The following KIAA1328 variants were observed in gnomAD, a reference collection of about 807,000 sequenced individuals.
KIAA1328 encodes the protein protein hinderin.
Under a neutral mutation model 68.1 loss-of-function variants are expected in KIAA1328, and 52 were observed. The observed-to-expected ratio is 0.76, with a 90% CI of 0.61 to 0.96. The LOEUF is 0.96. KIAA1328 is among the 40% of genes least tolerant of loss of function. KIAA1328 has a pLI of 0.00. For synonymous variants in KIAA1328, 232 were observed against 239.4 expected, an observed-to-expected ratio of 0.97 and a Z score of 0.28; for missense variants, 641 against 677.6, an observed-to-expected ratio of 0.95 and a Z score of 0.60.
At chr18:36,863,061 A>G (rs185223662) in intron 4 of KIAA1328, among the ~76,000 whole-genome samples, 1 of 152,256 alleles carries the variant, frequency 6.6e-6, no homozygotes, top group Admixed American at 6.5e-5. Flanking sequence ...TCTAGATAAA[A>G]ATCCTTTATT....
intron 7 of KIAA1328, among the ~76,000 whole-genome samples, chr18:37,120,003 TG>T (rs2058226173): frequency 6.6e-6 from 1 of 152,200 alleles, no homozygotes; most frequent in Non-Finnish European, 1.5e-5. Flanking sequence ...AATGTAGTAC[TG>T]TAAGATATTG....
At chr18:36,853,645 T>G (rs2047288762) in intron 4 of KIAA1328, among the ~76,000 whole-genome samples, 1 of 152,050 alleles carries the variant, frequency 6.6e-6, no homozygotes, top group Non-Finnish European at 1.5e-5. Flanking sequence ...ATACACTGTG[T>G]GCTTTTTTTT....
intron 9 of KIAA1328, among the ~76,000 whole-genome samples, chr18:37,207,608 A>G (rs1455220039): frequency 6.6e-6 from 1 of 152,194 alleles, no homozygotes; most frequent in Non-Finnish European, 1.5e-5. Context: ...CAGAATGCTC[A>G]GAGGTATGAG....
chr18:36,930,581 T>G (rs567257438), intron 5 of KIAA1328, among the ~76,000 whole-genome samples: 6 of 152,268 alleles, frequency 3.9e-5, no homozygotes, highest in African/African-American at 1.4e-4. Context: ...AAAATAATGG[T>G]AGCAATACAT....
chr18:37,115,283 G>A (rs915077060), intron 7 of KIAA1328, among the ~76,000 whole-genome samples: 18 of 152,200 alleles, frequency 1.2e-4, no homozygotes, highest in Non-Finnish European at 2.1e-4. Flanking sequence ...CTGGCAAACC[G>A]AATCCAGCAG....
chr18:36,893,388 C>T (rs1163000887), intron 5 of KIAA1328, among the ~76,000 whole-genome samples: 4 of 151,712 alleles, frequency 2.6e-5, no homozygotes, highest in Non-Finnish European at 5.9e-5. Context: ...CCATCTCAGC[C>T]ACCGTAGTCA....
chr18:37,050,807 A>G (rs1379047192), intron 6 of KIAA1328, among the ~76,000 whole-genome samples: 2 of 152,206 alleles, frequency 1.3e-5, no homozygotes, highest in African/African-American at 4.8e-5. Context: ...CATATTCAGT[A>G]ATTTGCTCTA....
chr18:37,050,859 T>A (rs1006424094), intron 6 of KIAA1328, among the ~76,000 whole-genome samples: 10 of 152,194 alleles, frequency 6.6e-5, no homozygotes, highest in Non-Finnish European at 2.9e-5. Context: ...ATTGGTATGA[T>A]TTCTCATCTA....
intron 7 of KIAA1328, among the ~76,000 whole-genome samples, chr18:37,151,874 G>A (rs2059037999): frequency 6.6e-6 from 1 of 151,998 alleles, no homozygotes. Context: ...CGGTGAGGAG[G>A]GCTTCCATAT....
At chr18:37,138,142 T>G (rs2058685711) in intron 7 of KIAA1328, among the ~76,000 whole-genome samples, 1 of 152,210 alleles carries the variant, frequency 6.6e-6, no homozygotes, top group Non-Finnish European at 1.5e-5. Flanking sequence ...AAGCCAGCAT[T>G]TAGGTAGTGT....
intron 7 of KIAA1328, among the ~76,000 whole-genome samples, chr18:37,087,115 A>G (rs1044790978): frequency 3.9e-5 from 6 of 152,166 alleles, no homozygotes; most frequent in African/African-American, 1.4e-4. Flanking sequence ...GCTCAAGTTC[A>G]GCGGCACAAT....
intron 4 of KIAA1328, among the ~76,000 whole-genome samples, chr18:36,844,950 A>G (rs1036944144): frequency 9.2e-5 from 14 of 151,872 alleles, no homozygotes; most frequent in African/African-American, 3.4e-4. Flanking sequence ...CTAAAAGTTG[A>G]TAAAAGTTGA....
At chr18:36,959,094 G>A (rs907620058) in intron 5 of KIAA1328, among the ~76,000 whole-genome samples, 2 of 151,938 alleles carry the variant, frequency 1.3e-5, no homozygotes, top group African/African-American at 4.8e-5. Context: ...ATTTTCAAAT[G>A]GGATGTTCAT....
At chr18:36,877,824 G>A (rs1001541259) in intron 4 of KIAA1328, among the ~76,000 whole-genome samples, 1 of 151,732 alleles carries the variant, frequency 6.6e-6, no homozygotes, top group Non-Finnish European at 1.5e-5. Context: ...CCGCCACAAT[G>A]GCTGGCTAAT....
At chr18:37,159,062 A>T (rs182170903) in intron 7 of KIAA1328, among the ~76,000 whole-genome samples, 93 of 152,190 alleles carry the variant, frequency 6.1e-4, no homozygotes, top group Non-Finnish European at 2.9e-5. Flanking sequence ...AAAAAAAAGA[A>T]GAGTATCACT....
chr18:37,154,065 C>G (rs192663912), intron 7 of KIAA1328, among the ~76,000 whole-genome samples: 15 of 152,238 alleles, frequency 9.9e-5, no homozygotes, highest in Non-Finnish European at 2.1e-4. Flanking sequence ...CTCTTTTCAT[C>G]TGCCTTTTTC....
At chr18:36,901,746 C>T (rs1457941325) in intron 5 of KIAA1328, among the ~76,000 whole-genome samples, 2 of 151,952 alleles carry the variant, frequency 1.3e-5, no homozygotes, top group African/African-American at 2.4e-5. Flanking sequence ...GAGAGGAGTT[C>T]CTGCCCCAAA....
intron 4 of KIAA1328, among the ~76,000 whole-genome samples, chr18:36,850,732 A>G (rs889142176): frequency 6.6e-6 from 1 of 152,138 alleles, no homozygotes; most frequent in Non-Finnish European, 1.5e-5. Flanking sequence ...TAACGCCTAT[A>G]CAGTGTGGAT....
At chr18:36,948,261 G>GTTTTTTTTT (rs1167822236) in intron 5 of KIAA1328, among the ~76,000 whole-genome samples, 2 of 115,746 alleles carry the variant, frequency 1.7e-5, no homozygotes, top group Non-Finnish European at 1.8e-5. Context: ...TTTGTCTTTT[G>GTTTTTTTTT]TTTTTTTTTT....
Sources: allele counts gnomAD v4.1 joint callset (sites outside exome capture counted in the v4.1 genomes callset), GRCh38; gene constraint gnomAD v4.1.1; transcripts MANE v1.5; gene names NCBI Gene and HGNC (gene_info 2026-07-23, HGNC 2026-07-21).